Variants in SLC27A6 observed in about 807,000 individuals in gnomAD.
The protein encoded by SLC27A6 is long-chain fatty acid transport protein 6.
Under a neutral mutation model 63.9 loss-of-function variants are expected in SLC27A6, and 74 were observed. That is an observed-to-expected ratio of 1.16 (90% CI 0.96 to 1.40). SLC27A6 has a LOEUF of 1.40. SLC27A6 is among the 40% of genes most tolerant of loss of function. The pLI is 0.00. For synonymous variants in SLC27A6, 287 were observed against 260.8 expected, an observed-to-expected ratio of 1.10 and a Z score of -0.97; for missense variants, 794 against 732.9, an observed-to-expected ratio of 1.08 and a Z score of -0.96.
At chr5:128,973,616 A>G (rs1246331709) in intron 1 of SLC27A6, among the ~76,000 whole-genome samples, 1 of 152,180 alleles carries the variant, frequency 6.6e-6, no homozygotes, top group Admixed American at 6.5e-5. Context: ...GCTGTTTGCT[A>G]AGACCATTGG....
At chr5:129,002,591 A>C (rs1426375262) in intron 4 of SLC27A6, among the ~76,000 whole-genome samples, 1 of 149,880 alleles carries the variant, frequency 6.7e-6, no homozygotes, top group African/African-American at 2.5e-5. Context: ...CCTTCCATAA[A>C]TGTGTTGTGA....
At chr5:128,987,249 C>A (rs1750821383) in intron 2 of SLC27A6, among the ~76,000 whole-genome samples, 1 of 152,048 alleles carries the variant, frequency 6.6e-6, no homozygotes, top group Non-Finnish European at 1.5e-5. Flanking sequence ...TCTGAGGAAT[C>A]TGAATAGCCC....
chr5:128,971,189 A>C (rs1024557371), intron 1 of SLC27A6, among the ~76,000 whole-genome samples: 1 of 152,144 alleles, frequency 6.6e-6, no homozygotes, highest in Non-Finnish European at 1.5e-5. Context: ...TATGTGGTCA[A>C]TTTTGGAATA....
chr5:128,999,798 C>T (rs1024136249), intron 4 of SLC27A6, among the ~76,000 whole-genome samples: 2 of 152,154 alleles, frequency 1.3e-5, no homozygotes, highest in Admixed American at 6.6e-5. Flanking sequence ...TCAAGCTCCA[C>T]TAATGTCTGT....
At chr5:129,000,166 G>A (rs528045921) in intron 4 of SLC27A6, among the ~76,000 whole-genome samples, 38 of 152,262 alleles carry the variant, frequency 2.5e-4, no homozygotes, top group Non-Finnish European at 3.8e-4. Context: ...CATGAAGAAT[G>A]GAGATGGACA....
intron 4 of SLC27A6, among the ~76,000 whole-genome samples, chr5:129,010,220 A>G (rs577331303): frequency 1.3e-5 from 2 of 152,246 alleles, no homozygotes; most frequent in African/African-American, 4.8e-5. Context: ...TGTCAATGAG[A>G]TTCATCTTTG....
At chr5:128,986,411 T>G (rs1441531989) in intron 2 of SLC27A6, among the ~76,000 whole-genome samples, 1 of 152,242 alleles carries the variant, frequency 6.6e-6, no homozygotes, top group African/African-American at 2.4e-5. Context: ...GCTTTCATTA[T>G]TAGTTTGAAA....
At chr5:129,008,239 A>C (rs1307704198) in intron 4 of SLC27A6, among the ~76,000 whole-genome samples, 1 of 152,104 alleles carries the variant, frequency 6.6e-6, no homozygotes, top group Non-Finnish European at 1.5e-5. Context: ...AGGAAAGAAA[A>C]ATTTTTTAAA....
chr5:129,023,603 GA>G lies in SLC27A6; in HGVS notation c.1165-16del. ...ACTAAATGCTTGTTTCTATTTGTTT[GA>G]TTTTTTTTTTTGCAGCTTCTTTCCA... is the stretch of plus-strand genomic sequence containing the variant. On this transcript the variant is annotated splice_polypyrimidine_tract_variant and intron_variant, in intron 5 of 9. Transcript: ENST00000262462. The G allele has an allele frequency of 1.3e-6, 2 of 1,528,138 alleles. No individual in the cohort carries two copies. Among genetic ancestry groups the G allele is most frequent in the Non-Finnish European group, 1.8e-6 (2 of 1,127,682 alleles). 94.7% of individuals were successfully genotyped at this position (1,528,138 alleles called of 1,614,324 possible).
intron 2 of SLC27A6, among the ~76,000 whole-genome samples, chr5:128,986,891 C>A (rs1414448240): frequency 6.6e-6 from 1 of 152,012 alleles, no homozygotes; most frequent in East Asian, 1.9e-4. Context: ...TTTGCCCCCA[C>A]CAAACCCCAG....
intron 4 of SLC27A6, among the ~76,000 whole-genome samples, chr5:129,006,280 C>T (rs894282437): frequency 6.6e-6 from 1 of 151,448 alleles, no homozygotes; most frequent in Non-Finnish European, 1.5e-5. Context: ...TTAGTAGAGA[C>T]GGGGTTTCAC....
chr5:129,027,455 C>T (rs1752283278), intron 7 of SLC27A6, 124 bp downstream of exon 7: 1 of 685,368 alleles, frequency 1.5e-6, no homozygotes, highest in South Asian at 1.9e-5. Context: ...TCCATGTCTC[C>T]TCATTAAAAC....
At chr5:129,014,506 C>T (rs553404987) in intron 4 of SLC27A6, among the ~76,000 whole-genome samples, 180 of 152,280 alleles carry the variant, frequency 1.2e-3, no homozygotes, top group African/African-American at 3.8e-3. Flanking sequence ...GTATGCATGA[C>T]CTGGGTGCCT....
intron 4 of SLC27A6, among the ~76,000 whole-genome samples, chr5:129,002,983 A>G (rs1313758914): frequency 1.3e-5 from 2 of 152,094 alleles, no homozygotes; most frequent in Non-Finnish European, 2.9e-5. Context: ...TGTGGGTCTC[A>G]GTGCCTTTAT....
chr5:128,973,055 A>T (rs1750241896), intron 1 of SLC27A6, among the ~76,000 whole-genome samples: 1 of 152,194 alleles, frequency 6.6e-6, no homozygotes, highest in South Asian at 2.1e-4. Context: ...AGTTTGCTGG[A>T]GGTCCACTCC....
rs545901561 is a variant in SLC27A6 at position 129,015,799 on chromosome 5, C to A, written c.970-86C>A. 5 of 942,524 alleles carry A rather than the reference C, an allele frequency of 5.3e-6. No homozygotes were observed. In the Admixed American group the frequency reaches 8.1e-5, roughly 15 times the overall value. The allele number at this position is 942,524 out of a possible 1,614,324, so 58.4% of individuals were successfully genotyped here. On this transcript the variant is annotated intron_variant, in intron 4 of 9. Transcript: ENST00000262462. ...TCTGTTATTGCACATATGCAGTTTA[C>A]GTCTATGATATTTTTCATTTAAATA...
chr5:129,010,236 A>C (rs751134431), intron 4 of SLC27A6, among the ~76,000 whole-genome samples: 1 of 152,146 alleles, frequency 6.6e-6, no homozygotes, highest in Non-Finnish European at 1.5e-5. Flanking sequence ...CTTTGTTTTG[A>C]GGTATAGCAG....
intron 3 of SLC27A6, 44 bp downstream of exon 3, chr5:128,988,802 T>G: frequency 6.8e-7 from 1 of 1,468,086 alleles, no homozygotes; most frequent in Non-Finnish European, 9.4e-7. Context: ...AAATGTCTAA[T>G]AATTAGAACA....
intron 4 of SLC27A6, among the ~76,000 whole-genome samples, chr5:128,991,911 T>G (rs936790248): frequency 6.6e-6 from 1 of 151,904 alleles, no homozygotes; most frequent in African/African-American, 2.4e-5. Flanking sequence ...TTTCCTGCTT[T>G]CGTTTATCTC....
Sources: gnomAD v4.1 joint callset for allele counts (sites outside exome capture counted in the v4.1 genomes callset) on GRCh38, gnomAD v4.1.1 for gene constraint, MANE v1.5 for transcripts, NCBI Gene and HGNC (gene_info 2026-07-23, HGNC 2026-07-21) for gene names.